Variants in SYT3 observed in about 807,000 individuals in gnomAD.
SYT3 encodes the protein synaptotagmin-3.
In SYT3, 25 loss-of-function variants were observed where a neutral mutation model predicts 50.6. The ratio of observed to expected loss-of-function variants is 0.49; its 90% CI spans 0.36 to 0.69. The LOEUF (loss-of-function observed/expected upper bound fraction) is 0.69. SYT3 is among the 30% of genes least tolerant of loss of function. The probability of loss-of-function intolerance (pLI) is 0.00; values close to 1 mark genes in which losing one functional copy is unlikely to be tolerated. For synonymous variants in SYT3, 323 were observed against 353.9 expected (o/e 0.91, Z 0.98); for missense variants, 589 against 793.6 (o/e 0.74, Z 3.10).
At chr19:50,640,724 G>GAA (rs112696343), upstream of SYT3, among the ~76,000 whole-genome samples, 4,217 of 149,864 alleles carry the variant, frequency 0.028, 204 homozygotes, top group African/African-American at 0.098. Flanking sequence ...TAGCTGATGA[G>GAA]AAAAAAAAAA....
Position 50,632,860 on chromosome 19 carries a change from A to C in SYT3, c.149-49T>G. 1 of 1,415,020 alleles carries C rather than the reference A, an allele frequency of 7.1e-7. No homozygotes were observed. The allele number at this position is 1,415,020 out of a possible 1,614,324, so 87.7% of individuals were successfully genotyped here. ...AGGGGTCAGGATGGGGTCACAGTAC[A>C]TCCTCCCTCTGCTGTCCCCAAAGAG... On this transcript the variant is annotated intron_variant, in intron 3 of 10. Coordinates refer to ENST00000600079, the MANE Select transcript of SYT3 (RefSeq NM_001160329.2). This position sits in a 1 kb window ranked among gnomAD's most constrained non-coding sequence, Gnocchi z 4.7.
intron 4 of SYT3, among the ~76,000 whole-genome samples, chr19:50,630,381 TCTCC>T (rs72133836): frequency 0.059 from 8,849 of 149,110 alleles, 539 homozygotes; most frequent in African/African-American, 0.16. Flanking sequence ...GCATTCCTTC[TCTCC>T]CTCCCTCCCT....
the SYT3 span, among the ~76,000 whole-genome samples, chr19:50,653,132 G>A: frequency 6.6e-6 from 1 of 152,138 alleles, no homozygotes; most frequent in African/African-American, 2.4e-5. Flanking sequence ...CTGCCTCCAG[G>A]GTTCAAGCAA....
chr19:50,648,898 T>C, the SYT3 span, among the ~76,000 whole-genome samples: 104 of 143,668 alleles, frequency 7.2e-4, no homozygotes, highest in African/African-American at 2.4e-3. Context: ...TAGGAGAGGA[T>C]AGAGATGGGG....
At chr19:50,638,485 A>C (rs966965262) in intron 2 of SYT3, among the ~76,000 whole-genome samples, 2 of 151,946 alleles carry the variant, frequency 1.3e-5, no homozygotes, top group African/African-American at 2.4e-5. Flanking sequence ...GAGGGGAGAC[A>C]GAGATAATGT....
the SYT3 span, among the ~76,000 whole-genome samples, chr19:50,654,140 G>A: frequency 1.3e-5 from 2 of 152,066 alleles, no homozygotes; most frequent in Admixed American, 1.3e-4. Flanking sequence ...CACCAGGGCC[G>A]GGCTGTCAGT....
chr19:50,630,018 C>T lies in SYT3; in HGVS notation c.828G>A (p.Gln276=), dbSNP rs753134706. Residue 276 remains glutamine, a synonymous_variant, in exon 5 of 11, where the codon CAG becomes CAA. Transcript: ENST00000600079. The part of the protein sequence containing the change: ...LIGQIKPELY[Q]GTGPGGRRSG... ...TCCGCCGGCCACCAGGGCCAGTCCC[C>T]TGGTACAGCTCTGGCTTAATCTGCC... is the stretch of plus-strand genomic sequence containing the variant. 2.5e-6 allele frequency: 4 copies of T among 1,614,024 alleles called. No individual in the cohort carries two copies. The South Asian group carries it at 3.3e-5, about 13-fold the overall frequency.
the SYT3 span, among the ~76,000 whole-genome samples, chr19:50,654,284 C>T: frequency 2.6e-5 from 4 of 151,908 alleles, no homozygotes; most frequent in East Asian, 7.8e-4. Flanking sequence ...CTCCCTCCAT[C>T]TCTCTCTTTT....
intron 3 of SYT3, among the ~76,000 whole-genome samples, chr19:50,636,798 G>T (rs1361214738): frequency 2.6e-5 from 4 of 152,222 alleles, no homozygotes; most frequent in Admixed American, 2.6e-4. Context: ...TCCCAGCATT[G>T]TTCTAAGTTC....
At chr19:50,652,049 T>C in the SYT3 span, among the ~76,000 whole-genome samples, 2 of 152,266 alleles carry the variant, frequency 1.3e-5, no homozygotes, top group Non-Finnish European at 2.9e-5. Flanking sequence ...ATTGACACCA[T>C]TGTAGCTCAC....
Position 50,625,017 on chromosome 19 carries a change from G to A in SYT3, c.1707+145C>T, listed in dbSNP as rs376357909. 3.9e-5 allele frequency: 34 copies of A among 869,620 alleles called. No homozygotes were observed. Among genetic ancestry groups the A allele is most frequent in the East Asian group, 1.2e-4 (4 of 32,138 alleles). 53.9% of individuals were successfully genotyped at this position (869,620 alleles called of 1,614,324 possible). On this transcript the variant is annotated intron_variant, in intron 9 of 10. Coordinates refer to ENST00000600079, the MANE Select transcript of SYT3 (RefSeq NM_001160329.2). This position sits in a 1 kb window ranked among gnomAD's most constrained non-coding sequence, Gnocchi z 7.5. ...GCGCTTGGGTAACTGGCTCTAAGCC[G>A]CACAGCTAAAGTTGGCACAGCAGGG...
upstream of SYT3, among the ~76,000 whole-genome samples, chr19:50,644,582 G>T (rs1430227456): frequency 1.3e-5 from 2 of 151,834 alleles, no homozygotes; most frequent in African/African-American, 4.8e-5. Flanking sequence ...GATGGAAGCT[G>T]CAGAAATAGA....
At chr19:50,646,810 ATTAT>A in the SYT3 span, among the ~76,000 whole-genome samples, 6,359 of 150,746 alleles carry the variant, frequency 0.042, 241 homozygotes, top group East Asian at 0.12. Flanking sequence ...TGTGGGAGGG[ATTAT>A]TTATTTATTT....
At chr19:50,638,724 C>G (rs1984573736) in intron 2 of SYT3, among the ~76,000 whole-genome samples, 1 of 151,730 alleles carries the variant, frequency 6.6e-6, no homozygotes, top group Non-Finnish European at 1.5e-5. Context: ...GATGGGTGGG[C>G]AAGGACAGCA....
intron 4 of SYT3, 44 bp from the exon 5 acceptor site, chr19:50,630,215 G>A (rs1449138293): frequency 3.4e-6 from 5 of 1,467,842 alleles, no homozygotes; most frequent in Non-Finnish European, 4.5e-6. Context: ...CAGTGGCTCT[G>A]ATCTTCGACT....
the SYT3 span, chr19:50,658,053 T>G: frequency 6.5e-7 from 1 of 1,535,828 alleles, no homozygotes; most frequent in African/African-American, 1.4e-5. Context: ...CCAGGGGCCA[T>G]GGAGAGCGGG....
At position 50,632,247 on chromosome 19, in the gene SYT3, A is replaced by G. The variant is rs1317400975; in HGVS notation, c.674+39T>C. The stretch of plus-strand genomic sequence containing the variant: ...GGAAAGAGACACAGAGGAGGAGCAG[A>G]AGTTCAGAGTGGACCCCCAACCCAG... On this transcript the variant is annotated intron_variant, in intron 4 of 10. Coordinates refer to ENST00000600079, the MANE Select transcript of SYT3 (RefSeq NM_001160329.2). The surrounding 1 kb of genome is among the most constrained non-coding windows in gnomAD (Gnocchi z 4.7). 2 of 1,513,516 alleles carry G rather than the reference A, an allele frequency of 1.3e-6. No individual in the cohort carries two copies. Among genetic ancestry groups the G allele is most frequent in the Admixed American group, 4.3e-5 (2 of 46,356 alleles). The allele number at this position is 1,513,516 out of a possible 1,614,324, so 93.8% of individuals were successfully genotyped here.
chr19:50,627,023 C>A (rs1343499714), intron 6 of SYT3, among the ~76,000 whole-genome samples: 1 of 151,966 alleles, frequency 6.6e-6, no homozygotes, highest in Non-Finnish European at 1.5e-5. Flanking sequence ...ACACATAAAC[C>A]AGCCTGAGAG....
intron 9 of SYT3, chr19:50,624,893 G>A (rs1350258800): frequency 8.3e-6 from 3 of 361,850 alleles, no homozygotes; most frequent in African/African-American, 2.1e-5. Context: ...CAACAGCAGC[G>A]ACCACCTACA....
Sources: gnomAD v4.1 joint callset for allele counts (sites outside exome capture counted in the v4.1 genomes callset) on GRCh38, gnomAD v4.1.1 for gene constraint, Gnocchi (gnomAD v3.1) non-coding constraint, MANE v1.5 for transcripts, NCBI Gene and HGNC (gene_info 2026-07-23, HGNC 2026-07-21) for gene names.